CNNM4: variants seen among roughly 807,000 people sequenced by gnomAD.
CNNM4 encodes the protein metal transporter CNNM4.
Under a neutral mutation model 53.7 loss-of-function variants are expected in CNNM4, and 32 were observed. The observed-to-expected ratio is 0.60, with a 90% CI of 0.45 to 0.80. The LOEUF (loss-of-function observed/expected upper bound fraction) is 0.80, where lower values mean the gene tolerates loss of function less well. Among genes scored for constraint, CNNM4 ranks in the 30% least tolerant of loss-of-function variants. CNNM4 has a pLI of 0.00. For missense variants in CNNM4, 784 were observed against 1,022.0 expected (o/e 0.77, Z 3.17); for synonymous variants, 410 against 440.0 (o/e 0.93, Z 0.85).
intron 1 of CNNM4, among the ~76,000 whole-genome samples, chr2:96,795,367 A>G (rs1191387255): frequency 1.3e-5 from 2 of 152,214 alleles, no homozygotes; most frequent in Admixed American, 1.3e-4. Flanking sequence ...GGTATTTTCA[A>G]TCGAGTCCAG....
In CNNM4 at chr2:96,762,016, G is replaced by A. The variant is rs771213657; in HGVS notation, c.1017G>A (p.Glu339=). 1.9e-6 allele frequency: 3 copies of A among 1,614,158 alleles called. No individual in the cohort carries two copies. The highest frequency in any genetic ancestry group is 3.3e-5 in the Admixed American group (2 of 60,006). The change falls in exon 1 of 7, where the codon GAG becomes GAA. Residue 339 remains glutamate, a synonymous_variant. Transcript: ENST00000377075. ...GQEIRTVYNR[E]KLMEMLKVTE... ...AGATTCGCACTGTTTACAACCGGGAGAAGCTGATGGAGATGTTGAAGGTGA... is the reference window on the plus strand; with the variant it reads ...AGATTCGCACTGTTTACAACCGGGAAAAGCTGATGGAGATGTTGAAGGTGA...
At chr2:96,793,883 A>G (rs1574075606) in intron 1 of CNNM4, among the ~76,000 whole-genome samples, 1 of 152,212 alleles carries the variant, frequency 6.6e-6, no homozygotes, top group African/African-American at 2.4e-5. Flanking sequence ...TGAACCTGGG[A>G]GGTGAAGGTT....
intron 1 of CNNM4, among the ~76,000 whole-genome samples, chr2:96,765,846 G>A (rs1267746575): frequency 6.7e-6 from 1 of 149,658 alleles, no homozygotes; most frequent in Non-Finnish European, 1.5e-5. Flanking sequence ...CCCGGCTGGA[G>A]TGCAATGGCA....
chr2:96,770,801 C>T (rs2078862132), intron 1 of CNNM4, among the ~76,000 whole-genome samples: 1 of 152,204 alleles, frequency 6.6e-6, no homozygotes, highest in South Asian at 2.1e-4. Context: ...CTGCACTGAG[C>T]GCTGGCTCCT....
Position 96,801,045 on chromosome 2 carries a change from C to T in CNNM4, c.1948+1397C>T. Reference sequence around the variant, plus strand: ...CCGTGTCCTGTCTCCTGACTGCGCCCATCACTGACCTTCTCTTTTGCTCCA... The same window carrying T: ...CCGTGTCCTGTCTCCTGACTGCGCCTATCACTGACCTTCTCTTTTGCTCCA... On this transcript the variant is annotated intron_variant, in intron 5 of 6. Transcript: ENST00000377075. The surrounding 1 kb of genome is among the most constrained non-coding windows in gnomAD (Gnocchi z 5.6). 1 of 979,990 alleles carries T rather than the reference C, an allele frequency of 1.0e-6. No homozygotes were observed. The highest frequency in any genetic ancestry group is 1.2e-6 in the Non-Finnish European group (1 of 824,946). 60.7% of individuals were successfully genotyped at this position (979,990 alleles called of 1,614,324 possible).
chr2:96,805,252 A>G (rs1029501822), intron 5 of CNNM4, among the ~76,000 whole-genome samples: 6 of 151,606 alleles, frequency 4.0e-5, no homozygotes, highest in African/African-American at 1.5e-4. Context: ...GAATACCACA[A>G]CCTCATCATA....
chr2:96,760,910 C>A lies in CNNM4; in HGVS notation c.-90C>A. 1 of 719,404 alleles carries A rather than the reference C, an allele frequency of 1.4e-6. No homozygotes were observed. Among genetic ancestry groups the A allele is most frequent in the Non-Finnish European group, 1.7e-6 (1 of 586,658 alleles). 44.6% of individuals were successfully genotyped at this position (719,404 alleles called of 1,614,324 possible). ...AGGCTCGCGGCCCGGGCAGTTGGCT[C>A]GGCGGCAGCGGAGCGGCCGGAGCTG... On this transcript the variant is annotated 5_prime_UTR_variant, in exon 1 of 7. Coordinates refer to ENST00000377075, the MANE Select transcript of CNNM4 (RefSeq NM_020184.4).
chr2:96,762,000 C>T lies in CNNM4; in HGVS notation c.1001C>T (p.Thr334Ile), dbSNP rs2153341868. The change falls in exon 1 of 7, where the codon ACT becomes ATT. Residue 334 changes from threonine (T) to isoleucine (I), a missense_variant. By Grantham distance (89) the Thr-to-Ile change is moderately conservative. Around this residue, in one of 3 missense-constraint regions of CNNM4, gnomAD observed 473 missense variants for 624.6 expected, o/e 0.76. Coordinates refer to ENST00000377075, the MANE Select transcript of CNNM4 (RefSeq NM_020184.4). The surrounding 1 kb of genome is among the most constrained non-coding windows in gnomAD (Gnocchi z 6.0). ...TTTTTTCTGGGCCAGGAGATTCGCA[C>T]TGTTTACAACCGGGAGAAGCTGATG... Reference protein sequence around the residue: ...LDFFLGQEIRTVYNREKLMEM... With the variant: ...LDFFLGQEIRIVYNREKLMEM... 6.2e-7 allele frequency: 1 copy of T among 1,614,194 alleles called. No homozygotes were observed. The highest frequency in any genetic ancestry group is 8.5e-7 in the Non-Finnish European group (1 of 1,180,036).
chr2:96,794,501 C>T (rs1574076139), intron 1 of CNNM4, among the ~76,000 whole-genome samples: 2 of 152,220 alleles, frequency 1.3e-5, no homozygotes, highest in South Asian at 2.1e-4. Context: ...TCACTAATAG[C>T]GTATCTTGGA....
At chr2:96,805,429 TTTTTTTTTTTA>T (rs2079193935) in intron 5 of CNNM4, among the ~76,000 whole-genome samples, 1 of 140,572 alleles carries the variant, frequency 7.1e-6, no homozygotes, top group Admixed American at 6.8e-5. Context: ...TTTTTTTTTT[TTTTTTTTTTTA>T]TTATTTTTTT....
chr2:96,799,687 C>T (rs1043083925), intron 5 of CNNM4, 39 bp downstream of exon 5: 6 of 1,478,618 alleles, frequency 4.1e-6, no homozygotes, highest in Non-Finnish European at 5.6e-6. Flanking sequence ...CCTTTGGCCC[C>T]CCTGCAGCTG....
In CNNM4 at chr2:96,760,970, G is replaced by GAGCGGC; in HGVS notation, c.-29_-24dup. The GAGCGGC allele has an allele frequency of 9.9e-7, 1 of 1,008,668 alleles. No individual in the cohort carries two copies. The highest frequency in any genetic ancestry group is 1.2e-6 in the Non-Finnish European group (1 of 844,642). 62.5% of individuals were successfully genotyped at this position (1,008,668 alleles called of 1,614,324 possible). Reference sequence around the variant, plus strand: ...CCGGGGCCGCGCGGCGTGGCGCGGGGAGCGGCGGCGGCGGCAGAGCCAGAG... The same window carrying GAGCGGC: ...CCGGGGCCGCGCGGCGTGGCGCGGGGAGCGGCAGCGGCGGCGGCGGCAGAGCCAGAG... On this transcript the variant is annotated 5_prime_UTR_variant, in exon 1 of 7. Coordinates refer to ENST00000377075, the MANE Select transcript of CNNM4 (RefSeq NM_020184.4).
Position 96,763,124 on chromosome 2 carries a change from T to C in CNNM4, c.1402+723T>C, listed in dbSNP as rs1472958604. Among the ~76,000 whole-genome samples the C allele has an allele frequency of 5.3e-5, 8 of 152,168 alleles. No homozygotes were observed. In the East Asian group the frequency reaches 1.5e-3, roughly 29 times the overall value. ...CAATGCCAAGTAGCGCTTTCGACTA[T>C]TCAGCAGAAGCAAGCAGATTAAGTT... On this transcript the variant is annotated intron_variant, in intron 1 of 6. Coordinates refer to ENST00000377075, the MANE Select transcript of CNNM4 (RefSeq NM_020184.4).
intron 1 of CNNM4, among the ~76,000 whole-genome samples, chr2:96,765,196 G>A (rs1249104917): frequency 2.0e-5 from 3 of 148,346 alleles, no homozygotes; most frequent in East Asian, 2.0e-4. Flanking sequence ...GCACAATCTC[G>A]GCTCGCTGCA....
intron 1 of CNNM4, among the ~76,000 whole-genome samples, chr2:96,773,533 C>G (rs1022478653): frequency 1.3e-5 from 2 of 151,994 alleles, no homozygotes; most frequent in African/African-American, 4.8e-5. Context: ...CTACCATGTA[C>G]CCACAAAAAT....
intron 1 of CNNM4, among the ~76,000 whole-genome samples, chr2:96,788,439 G>A (rs1471387316): frequency 6.6e-6 from 1 of 152,026 alleles, no homozygotes; most frequent in East Asian, 1.9e-4. Flanking sequence ...CCCTGTTTAG[G>A]ATTATGGATG....
At chr2:96,805,440 A>AATTTTTTTTTTTTTTT (rs2079194974) in intron 5 of CNNM4, among the ~76,000 whole-genome samples, 12 of 87,470 alleles carry the variant, frequency 1.4e-4, no homozygotes, top group Non-Finnish European at 2.2e-4. Context: ...TTTTTTTTTT[A>AATTTTTTTTTTTTTTT]TTATTTTTTT....
rs886056484 is a variant in CNNM4 at position 96,811,770 on chromosome 2, TTTG to T, written c.*2259_*2261del. On this transcript the variant is annotated 3_prime_UTR_variant, in exon 7 of 7. Transcript: ENST00000377075. ...GTTATGAGTTTGACTCTCGGGGAGT[TTTG>T]TTGTTATGACTCTTGTGTCTTTTGT... 2.0e-5 allele frequency: 3 copies of T among 152,680 alleles called. No individual in the cohort carries two copies. The highest frequency in any genetic ancestry group is 4.4e-5 in the Non-Finnish European group (3 of 68,048). 9.5% of individuals were successfully genotyped at this position (152,680 alleles called of 1,614,324 possible). A position where few individuals can be genotyped will look rare whatever the true frequency, so the allele number is the denominator to read the frequency against.
chr2:96,784,211 G>A (rs949747526), intron 1 of CNNM4, among the ~76,000 whole-genome samples: 3 of 152,128 alleles, frequency 2.0e-5, no homozygotes, highest in African/African-American at 7.2e-5. Context: ...AGGCTGCAGT[G>A]AGCTAGGATC....
Sources: gnomAD v4.1 joint callset for allele counts (sites outside exome capture counted in the v4.1 genomes callset) on GRCh38, gnomAD v4.1.1 for gene constraint, gnomAD v4.1.1 regional missense constraint, Gnocchi (gnomAD v3.1) non-coding constraint, MANE v1.5 for transcripts, NCBI Gene and HGNC (gene_info 2026-07-23, HGNC 2026-07-21) for gene names.